The following BRCA2 variants were observed in gnomAD, a reference collection of about 807,000 sequenced individuals.
BRCA2 encodes breast cancer type 2 susceptibility protein.
Under a neutral mutation model 276.7 loss-of-function variants are expected in BRCA2, and 203 were observed. That is an observed-to-expected ratio of 0.73 (90% CI 0.65 to 0.82). The LOEUF is 0.82. Ranked by LOEUF, BRCA2 falls within the 40% of genes least tolerant of loss-of-function variation. The pLI, the probability that BRCA2 is intolerant of heterozygous loss-of-function variation, is 0.00. For synonymous variants in BRCA2, 1,289 were observed against 1,338.4 expected (o/e 0.96, Z 0.81); for missense variants, 3,920 against 3,915.0 (o/e 1.00, Z -0.03).
intron 4 of BRCA2, 49 bp from the exon 5 acceptor site, chr13:32,326,052 T>C (rs780032504): frequency 6.6e-7 from 1 of 1,509,534 alleles, no homozygotes; most frequent in Admixed American, 1.8e-5. Flanking sequence ...AAACTAGTTT[T>C]TGCCAGTTTT....
intron 24 of BRCA2, among the ~76,000 whole-genome samples, chr13:32,383,137 G>T (rs375469416): frequency 2.3e-4 from 22 of 95,842 alleles, no homozygotes; most frequent in African/African-American, 8.1e-4. Flanking sequence ...AAGGTGGGTG[G>T]ATCACGAGGT....
intron 24 of BRCA2, among the ~76,000 whole-genome samples, chr13:32,380,553 T>TC (rs1566253832): frequency 4.7e-5 from 7 of 148,368 alleles, no homozygotes; most frequent in East Asian, 2.0e-4. Context: ...TTTTTTTTTT[T>TC]TCCCCGAGAT....
Position 32,339,249 on chromosome 13 carries a change from A to C in BRCA2, c.4894A>C (p.Ser1632Arg), listed in dbSNP as rs80358712. The C allele has an allele frequency of 2.5e-6, 4 of 1,613,120 alleles. No homozygotes were observed. The highest frequency in any genetic ancestry group is 3.4e-6 in the Non-Finnish European group (4 of 1,179,652). Residue 1632 changes from serine (S) to arginine (R), a missense_variant, in exon 11 of 27, where the codon AGT (serine) becomes CGT (arginine). Ser to Arg is a moderately radical substitution (Grantham distance 110, BLOSUM62 -1). Around this residue, in one of 2 missense-constraint regions of BRCA2, gnomAD observed 3,263 missense variants for 3,156.9 expected, o/e 1.03. Transcript: ENST00000380152. Reference sequence around the variant, plus strand: ...AACTGAAAATCTCAAAACATCAAAAAGTATCTTTTTGAAAGTTAAAGTACA... The same window carrying C: ...AACTGAAAATCTCAAAACATCAAAACGTATCTTTTTGAAAGTTAAAGTACA... ...RQTENLKTSK[S>R]IFLKVKVHEN...
In BRCA2 at chr13:32,332,944, C is replaced by G. The variant is rs587782535; in HGVS notation, c.1466C>G (p.Ser489Cys). The G allele has an allele frequency of 5.9e-5, 94 of 1,605,636 alleles. No individual in the cohort carries two copies. Among genetic ancestry groups the G allele is most frequent in the Non-Finnish European group, 7.6e-5 (89 of 1,178,112 alleles). ...ATTCTTGCAGTAAAGCAGGCAATATCTGGAACTTCTCCAGTGGCTTCTTCA... is the reference window on the plus strand; with the variant it reads ...ATTCTTGCAGTAAAGCAGGCAATATGTGGAACTTCTCCAGTGGCTTCTTCA... ...DCILAVKQAI[S>C]GTSPVASSFQ... Residue 489 changes from serine (S) to cysteine (C), a missense_variant, in exon 10 of 27, where the codon TCT becomes TGT. Physicochemically the swap from Ser to Cys is moderately radical, Grantham distance 112. Transcript: ENST00000380152.
At chr13:32,381,347 A>G (rs1289874375) in intron 24 of BRCA2, among the ~76,000 whole-genome samples, 1 of 152,142 alleles carries the variant, frequency 6.6e-6, no homozygotes, top group African/African-American at 2.4e-5. Context: ...TAGTTTTTTT[A>G]GTGCTCAGAA....
intron 13 of BRCA2, among the ~76,000 whole-genome samples, chr13:32,353,017 A>G (rs1245074380): frequency 6.6e-6 from 1 of 152,242 alleles, no homozygotes; most frequent in Non-Finnish European, 1.5e-5. Flanking sequence ...ATCAATCAAT[A>G]GAAGTTTGGG....
chr13:32,347,133 A>C (rs2072617395), intron 13 of BRCA2, among the ~76,000 whole-genome samples: 1 of 152,168 alleles, frequency 6.6e-6, no homozygotes, highest in Non-Finnish European at 1.5e-5. Flanking sequence ...TTATGGATGA[A>C]GTACTAAGGT....
intron 20 of BRCA2, among the ~76,000 whole-genome samples, chr13:32,374,402 C>T (rs1374708486): frequency 6.6e-6 from 1 of 152,236 alleles, no homozygotes; most frequent in Non-Finnish European, 1.5e-5. Context: ...TGCTCTGCTT[C>T]CCTTTTAAAT....
In BRCA2 at chr13:32,394,766, G is replaced by A. The variant is rs759851035; in HGVS notation, c.9334G>A (p.Asp3112Asn). 1.9e-6 allele frequency: 3 copies of A among 1,613,962 alleles called. No individual in the cohort carries two copies. In the South Asian group the frequency reaches 3.3e-5, roughly 18 times the overall value. The change falls in exon 25 of 27, where the codon GAC becomes AAC. Residue 3112 changes from aspartate (D) to asparagine (N), a missense_variant. Physicochemically the swap from Asp to Asn is conservative, Grantham distance 23. Coordinates refer to ENST00000380152, the MANE Select transcript of BRCA2 (RefSeq NM_000059.4). ...AIKFWIDLNEDIIKPHMLIAA... is the reference protein window; with the variant it reads ...AIKFWIDLNENIIKPHMLIAA... Reference sequence around the variant, plus strand: ...AAAGTTTTGGATAGACCTTAATGAGGACATTATTAAGCCTCATATGTTAAT... The same window carrying A: ...AAAGTTTTGGATAGACCTTAATGAGAACATTATTAAGCCTCATATGTTAAT...
intron 16 of BRCA2, among the ~76,000 whole-genome samples, chr13:32,358,270 G>A (rs1462723185): frequency 4.0e-5 from 6 of 151,780 alleles, no homozygotes; most frequent in Non-Finnish European, 7.4e-5. Flanking sequence ...GAGGTCAGGA[G>A]TTCGAGACCA....
chr13:32,380,040 C>G lies in BRCA2; in HGVS notation c.9151C>G (p.Pro3051Ala), dbSNP rs1555288536. The G allele has an allele frequency of 6.2e-7, 1 of 1,614,066 alleles. No homozygotes were observed. Among genetic ancestry groups the G allele is most frequent in the Non-Finnish European group, 8.5e-7 (1 of 1,179,990 alleles). Residue 3051 changes from proline (P) to alanine (A), a missense_variant, in exon 24 of 27, where the codon CCA becomes GCA. Around this residue, in one of 2 missense-constraint regions of BRCA2, gnomAD observed 657 missense variants for 758.2 expected, o/e 0.87. Coordinates refer to ENST00000380152, the MANE Select transcript of BRCA2 (RefSeq NM_000059.4). ...SDEILFQIYQ[P>A]REPLHFSKFL... ...TGAAATTTTATTTCAGATTTACCAG[C>G]CACGGGAGCCCCTTCACTTCAGCAA...
At chr13:32,386,317 A>G (rs1310277109) in intron 24 of BRCA2, among the ~76,000 whole-genome samples, 1 of 152,162 alleles carries the variant, frequency 6.6e-6, no homozygotes, top group African/African-American at 2.4e-5. Flanking sequence ...CTGAGGCAGG[A>G]GAATTGCTTG....
At chr13:32,372,748 C>T (rs1437267556) in intron 20 of BRCA2, among the ~76,000 whole-genome samples, 2 of 152,166 alleles carry the variant, frequency 1.3e-5, no homozygotes, top group Non-Finnish European at 2.9e-5. Context: ...GCCTTCCTAA[C>T]AGTCTCCGAA....
chr13:32,338,607 A>G lies in BRCA2; in HGVS notation c.4252A>G (p.Ile1418Val), dbSNP rs143667871. 4 of 1,596,970 alleles carry G rather than the reference A, an allele frequency of 2.5e-6. No individual in the cohort carries two copies. The highest frequency in any genetic ancestry group is 1.7e-4 in the Middle Eastern group (1 of 5,988). ...AACTGCTACTAAAACGGAGCAAAAT[A>G]TAAAAGATTTTGAGACTTCTGATAC... ...QLTATKTEQN[I>V]KDFETSDTFF... Residue 1418 changes from isoleucine (I) to valine (V), a missense_variant, in exon 11 of 27, where the codon ATA (isoleucine) becomes GTA (valine). Ile to Val is a conservative substitution (Grantham distance 29). Around this residue, in one of 2 missense-constraint regions of BRCA2, gnomAD observed 3,263 missense variants for 3,156.9 expected, o/e 1.03. Coordinates refer to ENST00000380152, the MANE Select transcript of BRCA2 (RefSeq NM_000059.4).
rs397508009 is a variant in BRCA2 at position 32,332,358 on chromosome 13, G to T, written c.880G>T (p.Glu294Ter). Residue 294 changes from glutamate to a stop codon, truncating the protein, a stop_gained, in exon 10 of 27, where the codon GAA (glutamate) becomes TAA (stop). Coordinates refer to ENST00000380152, the MANE Select transcript of BRCA2 (RefSeq NM_000059.4). LOFTEE classifies it high-confidence loss of function. Reference sequence around the variant, plus strand: ...GTCAATGCCAAATGTCCTAGAAGATGAAGTATATGAAACAGTTGTAGATAC... The same window carrying T: ...GTCAATGCCAAATGTCCTAGAAGATTAAGTATATGAAACAGTTGTAGATAC... ...GKSMPNVLED[E>*]VYETVVDTSE... The T allele has an allele frequency of 6.3e-7, 1 of 1,596,348 alleles. No individual in the cohort carries two copies. Among genetic ancestry groups the T allele is most frequent in the Non-Finnish European group, 8.5e-7 (1 of 1,170,904 alleles).
rs397507770 is a variant in BRCA2 at position 32,339,543 on chromosome 13, A to T, written c.5188A>T (p.Asn1730Tyr). ...CAGTACTATAGCTGAAAATGACAAAAATCATCTCTCCGAAAAACAAGATAC... is the reference window on the plus strand; with the variant it reads ...CAGTACTATAGCTGAAAATGACAAATATCATCTCTCCGAAAAACAAGATAC... ...SNSTIAENDKNHLSEKQDTYL... is the reference protein window; with the variant it reads ...SNSTIAENDKYHLSEKQDTYL... Residue 1730 changes from asparagine (N) to tyrosine (Y), a missense_variant, in exon 11 of 27, where the codon AAT becomes TAT. Coordinates refer to ENST00000380152, the MANE Select transcript of BRCA2 (RefSeq NM_000059.4). 4 of 1,605,848 alleles carry T rather than the reference A, an allele frequency of 2.5e-6. No homozygotes were observed. Among genetic ancestry groups the T allele is most frequent in the Non-Finnish European group, 3.4e-6 (4 of 1,176,354 alleles).
chr13:32,353,775 A>G (rs935605105), intron 13 of BRCA2, among the ~76,000 whole-genome samples: 1 of 152,242 alleles, frequency 6.6e-6, no homozygotes, highest in Non-Finnish European at 1.5e-5. Flanking sequence ...TGGTAAAAGG[A>G]AATCTGGGGT....
chr13:32,349,216 CA>C (rs55777417), intron 13 of BRCA2, among the ~76,000 whole-genome samples: 16,704 of 95,308 alleles, frequency 0.18, 460 homozygotes, highest in African/African-American at 0.22. Context: ...GACTCTGTCT[CA>C]AAAAAAAAAA....
rs1555286305 is a variant in BRCA2 at position 32,356,592 on chromosome 13, G to A, written c.7600G>A (p.Ala2534Thr). The A allele has an allele frequency of 2.5e-6, 4 of 1,614,170 alleles. No individual in the cohort carries two copies. The highest frequency in any genetic ancestry group is 1.7e-6 in the Non-Finnish European group (2 of 1,180,024). ...AGCAGTAGGAGGCCAAGTTCCCTCT[G>A]CGTGTTCTCATAAACAGGTATGTGT... ...KAAVGGQVPS[A>T]CSHKQLYTYG... The change falls in exon 15 of 27, where the codon GCG (alanine) becomes ACG (threonine). Residue 2534 changes from alanine (A) to threonine (T), a missense_variant. Transcript: ENST00000380152.
Sources: gnomAD v4.1 joint callset for allele counts (sites outside exome capture counted in the v4.1 genomes callset) on GRCh38, gnomAD v4.1.1 for gene constraint, gnomAD v4.1.1 regional missense constraint, MANE v1.5 for transcripts, NCBI Gene and HGNC (gene_info 2026-07-23, HGNC 2026-07-21) for gene names.